Variants in ANO1 observed in about 807,000 individuals in gnomAD.
ANO1 encodes the protein anoctamin 1, also known as anoctamin-1.
A neutral mutation model predicts 124.0 loss-of-function variants in ANO1; 59 were observed. The ratio of observed to expected loss-of-function variants is 0.48; its 90% CI spans 0.39 to 0.59. The LOEUF (loss-of-function observed/expected upper bound fraction) is 0.59. ANO1 is among the 20% of genes least tolerant of loss of function. The pLI is 0.00. For missense variants in ANO1, 1,059 were observed against 1,328.0 expected (o/e 0.80, Z 3.15); for synonymous variants, 529 against 532.0 (o/e 0.99, Z 0.08).
chr11:69,972,198 A>G, the ANO1 span, among the ~76,000 whole-genome samples: 1 of 151,706 alleles, frequency 6.6e-6, no homozygotes, highest in East Asian at 1.9e-4. Context: ...AAAAAAAAAA[A>G]AAAAAAAAAA....
chr11:70,004,905 G>A (rs1229374481), intron 1 of ANO1, among the ~76,000 whole-genome samples: 1 of 152,104 alleles, frequency 6.6e-6, no homozygotes, highest in Non-Finnish European at 1.5e-5. Flanking sequence ...CTGAGGTCAG[G>A]AGTTCGAGAC....
Position 70,170,984 on chromosome 11 carries a change from CA to C in ANO1, c.2300del (p.Lys767SerfsTer10). On this transcript the variant is annotated frameshift_variant, in exon 22 of 26. Transcript: ENST00000355303. LOFTEE classifies it high-confidence loss of function. ...ACATCATCGAGATCCGCCTGGACGCCAAAAAGTTTGTCACTGAGCTCCGAAG... is the reference window on the plus strand; with the variant it reads ...ACATCATCGAGATCCGCCTGGACGCCAAAAGTTTGTCACTGAGCTCCGAAG... ...NNIIEIRLDA[K>X]KFVTELRRPV... 1 of 1,612,956 alleles carries C rather than the reference CA, an allele frequency of 6.2e-7. No individual in the cohort carries two copies.
At chr11:70,109,193 G>T (rs1893086) in intron 6 of ANO1, among the ~76,000 whole-genome samples, 116,851 of 152,082 alleles carry the variant, frequency 0.77, 45,492 homozygotes, top group Middle Eastern at 0.84. Flanking sequence ...GACACAGCAG[G>T]TCTGGTGAAA....
rs117355169 is a variant in ANO1, at chr11:70,020,640, G to A, written c.58+34474G>A. On this transcript the variant is annotated intron_variant, in intron 1 of 27. Transcript: ENST00000531349. ...ACTCCACACCCCTCTTCGCTGCTGC[G>A]GTGTGAAGCTTCAGCCTAACCCAAT... Among the ~76,000 whole-genome samples the A allele has an allele frequency of 3.4e-3, 514 of 152,274 alleles. 3 individuals carry two copies. Among genetic ancestry groups the A allele is most frequent in the Admixed American group, 9.3e-3 (143 of 15,308 alleles).
chr11:70,179,284 G>T (rs1026414976), intron 22 of ANO1, among the ~76,000 whole-genome samples: 23 of 152,266 alleles, frequency 1.5e-4, no homozygotes, highest in African/African-American at 5.3e-4. Context: ...TGCAGTTAGG[G>T]TGAGGCGGGG....
At chr11:70,129,222 T>A (rs780008251) in intron 10 of ANO1, 2 of 152,274 alleles carry the variant, frequency 1.3e-5, no homozygotes, top group Non-Finnish European at 2.9e-5. Flanking sequence ...TGCAAAGTGC[T>A]TGGCTATTGC....
At chr11:70,099,540 C>T (rs146553497) in intron 2 of ANO1, among the ~76,000 whole-genome samples, 4 of 152,184 alleles carry the variant, frequency 2.6e-5, no homozygotes, top group Non-Finnish European at 4.4e-5. Context: ...CTCTCCCACA[C>T]GTGGGCTGTC....
At chr11:69,976,612 G>A in the ANO1 span, among the ~76,000 whole-genome samples, 10 of 149,676 alleles carry the variant, frequency 6.7e-5, no homozygotes, top group African/African-American at 2.5e-4. Flanking sequence ...GATCATGTGG[G>A]GACACAGGGA....
chr11:70,165,619 G>A (rs747033934), intron 20 of ANO1, 49 bp downstream of exon 20: 143 of 1,503,980 alleles, frequency 9.5e-5, no homozygotes, highest in Middle Eastern at 9.1e-4. Context: ...GCCAGGCGGA[G>A]GGGTGTGTGG....
chr11:70,174,037 G>A (rs868468527), intron 22 of ANO1, among the ~76,000 whole-genome samples: 5 of 150,734 alleles, frequency 3.3e-5, no homozygotes, highest in Non-Finnish European at 5.9e-5. Context: ...CCGGGTTCAC[G>A]CCATTCTCCT....
chr11:70,020,398 C>T (rs1367670075), intron 1 of ANO1, among the ~76,000 whole-genome samples: 2 of 152,202 alleles, frequency 1.3e-5, no homozygotes, highest in African/African-American at 2.4e-5. Context: ...ACTTATGCCA[C>T]CCTCTTGCCA....
chr11:69,992,872 G>A (rs1320237188), intron 1 of ANO1, among the ~76,000 whole-genome samples: 1 of 152,192 alleles, frequency 6.6e-6, no homozygotes, highest in Admixed American at 6.5e-5. Context: ...AGCATTAAAA[G>A]CCTTCCCAGC....
intron 11 of ANO1, among the ~76,000 whole-genome samples, chr11:70,138,501 C>A (rs1276656076): frequency 4.2e-5 from 6 of 143,364 alleles, no homozygotes; most frequent in Admixed American, 2.8e-4. Flanking sequence ...AGTGAAAGTC[C>A]GTCTCAAAAA....
At chr11:69,987,981 G>A (rs1179624759) in intron 1 of ANO1, among the ~76,000 whole-genome samples, 3 of 152,252 alleles carry the variant, frequency 2.0e-5, no homozygotes, top group Admixed American at 6.5e-5. Flanking sequence ...GGGTGGAATC[G>A]TGCCCCCTGC....
intron 1 of ANO1, among the ~76,000 whole-genome samples, chr11:70,085,182 G>T (rs1036640738): frequency 6.6e-6 from 1 of 152,168 alleles, no homozygotes; most frequent in African/African-American, 2.4e-5. Flanking sequence ...GCTCTTTCGT[G>T]CTTCTCCTGC....
chr11:70,065,687 C>T (rs180733117), intron 1 of ANO1, among the ~76,000 whole-genome samples: 129 of 152,188 alleles, frequency 8.5e-4, no homozygotes, highest in Non-Finnish European at 1.5e-3. Context: ...TGTCCCCCGT[C>T]GTCCCCCTAG....
intron 13 of ANO1, 126 bp downstream of exon 13, chr11:70,152,587 T>A: frequency 8.9e-7 from 1 of 1,123,030 alleles, no homozygotes; most frequent in Non-Finnish European, 1.3e-6. Flanking sequence ...GTGGGGTCTC[T>A]GCTTTCTCCC....
upstream of ANO1, among the ~76,000 whole-genome samples, chr11:70,077,167 T>A (rs926583549): frequency 1.3e-5 from 2 of 152,186 alleles, no homozygotes; most frequent in African/African-American, 4.8e-5. Flanking sequence ...TGTTCCCCAG[T>A]GGCCATTTAA....
At chr11:70,119,361 G>A (rs2046149299) in intron 8 of ANO1, among the ~76,000 whole-genome samples, 1 of 150,374 alleles carries the variant, frequency 6.7e-6, no homozygotes, top group Admixed American at 6.6e-5. Context: ...TGGGTGGGTG[G>A]ATGAATGATG....
Sources: gnomAD v4.1 joint callset for allele counts (sites outside exome capture counted in the v4.1 genomes callset) on GRCh38, gnomAD v4.1.1 for gene constraint, MANE v1.5 for transcripts, NCBI Gene and HGNC (gene_info 2026-07-23, HGNC 2026-07-21) for gene names.